Variants in DCLK2 observed in about 807,000 individuals in gnomAD.
The protein encoded by DCLK2 is doublecortin like kinase 2.
DCLK2 carries 31 observed loss-of-function variants against 78.4 expected under a neutral mutation model. The ratio of observed to expected loss-of-function variants is 0.40; its 90% CI spans 0.30 to 0.53. DCLK2 has a LOEUF of 0.53. Ranked by LOEUF, DCLK2 falls within the 20% of genes least tolerant of loss-of-function variation. DCLK2 has a pLI of 0.61. For synonymous variants in DCLK2, 407 were observed against 374.9 expected (o/e 1.09, Z -0.99); for missense variants, 872 against 973.7 (o/e 0.90, Z 1.39).
intron 5 of DCLK2, among the ~76,000 whole-genome samples, chr4:150,214,223 CAG>C (rs1740514120): frequency 6.6e-6 from 1 of 152,318 alleles, no homozygotes; most frequent in East Asian, 1.9e-4. Flanking sequence ...ACTTCATCCA[CAG>C]ATGTTCTCAA....
rs1378760105 is a variant in DCLK2, at chr4:150,190,053, G to GAAAAAAAAAAAAAAAAA, written c.757-3085_757-3084insAAAAAAAAAAAAAAAAA. 3.9e-4 allele frequency among the ~76,000 whole-genome samples: 5 copies of GAAAAAAAAAAAAAAAAA among 12,974 alleles called. 1 individual carries two copies. The highest frequency in any genetic ancestry group is 1.4e-3 in the Non-Finnish European group (5 of 3,496). The allele number at this position is 12,974 out of a possible 152,430, so 8.5% of individuals were successfully genotyped here. A position where few individuals can be genotyped will look rare whatever the true frequency, so the allele number is the denominator to read the frequency against. ...CTGTCTCAAAAAAAAAAAAAAAAAG[G>GAAAAAAAAAAAAAAAAA]CCAAGTGTGGTGGCTGTGGTCCCAG... is the stretch of plus-strand genomic sequence containing the variant. On this transcript the variant is annotated intron_variant, in intron 2 of 15. Coordinates refer to ENST00000296550, the MANE Select transcript of DCLK2 (RefSeq NM_001040260.4).
At chr4:150,197,480 G>A (rs557604542) in intron 3 of DCLK2, among the ~76,000 whole-genome samples, 5 of 152,230 alleles carry the variant, frequency 3.3e-5, no homozygotes, top group South Asian at 2.1e-4. Context: ...TTGGCTGGGC[G>A]TGGTGGCTCA....
At position 150,123,623 on chromosome 4, in the gene DCLK2, A is replaced by G. The variant is rs542177471; in HGVS notation, c.756+20811A>G. On this transcript the variant is annotated intron_variant, in intron 2 of 15. Coordinates refer to ENST00000296550, the MANE Select transcript of DCLK2 (RefSeq NM_001040260.4). ...AAAATGATGCCAGCGAACTTGCCTC[A>G]TACAGGGTTGCCACGAAACTTCCAT... is the stretch of plus-strand genomic sequence containing the variant. Among the ~76,000 whole-genome samples the G allele has an allele frequency of 3.3e-4, 50 of 152,340 alleles. 1 individual carries two copies. The South Asian group carries it at 8.5e-3, about 26-fold the overall frequency.
At chr4:150,217,057 G>T (rs1740776666) in intron 5 of DCLK2, among the ~76,000 whole-genome samples, 1 of 152,130 alleles carries the variant, frequency 6.6e-6, no homozygotes, top group African/African-American at 2.4e-5. Flanking sequence ...CATTTTAAGA[G>T]ATTTTAATAG....
chr4:150,204,030 C>A, intron 5 of DCLK2, 141 bp downstream of exon 5: 1 of 722,178 alleles, frequency 1.4e-6, no homozygotes, highest in East Asian at 2.8e-5. Context: ...GACTTGACTT[C>A]GAATCCTGTG....
intron 5 of DCLK2, among the ~76,000 whole-genome samples, chr4:150,206,660 AT>A (rs1215861397): frequency 1.3e-5 from 2 of 152,144 alleles, no homozygotes; most frequent in Admixed American, 1.3e-4. Context: ...TAGGAAGTCT[AT>A]TTTTTGTCCT....
intron 15 of DCLK2, among the ~76,000 whole-genome samples, chr4:150,252,452 C>G (rs559457017): frequency 1.2e-4 from 18 of 152,188 alleles, no homozygotes; most frequent in Admixed American, 2.0e-4. Context: ...GGAGTCATTG[C>G]TGGGGTCACT....
At chr4:150,138,070 A>G (rs1733823267) in intron 2 of DCLK2, among the ~76,000 whole-genome samples, 1 of 152,208 alleles carries the variant, frequency 6.6e-6, no homozygotes, top group Non-Finnish European at 1.5e-5. Context: ...CCTGTTCTTC[A>G]TTTGTAATAA....
At chr4:150,199,204 G>A (rs1486725145) in intron 4 of DCLK2, 2 of 839,846 alleles carry the variant, frequency 2.4e-6, no homozygotes, top group Non-Finnish European at 3.8e-6. Flanking sequence ...ACATCTGTGT[G>A]GTATGAAATG....
intron 2 of DCLK2, among the ~76,000 whole-genome samples, chr4:150,129,387 A>G (rs1446644195): frequency 6.6e-6 from 1 of 152,108 alleles, no homozygotes; most frequent in African/African-American, 2.4e-5. Context: ...TTGGCTAATC[A>G]TATGTGTTAT....
At chr4:150,148,248 C>T (rs1734622458) in intron 2 of DCLK2, among the ~76,000 whole-genome samples, 1 of 152,108 alleles carries the variant, frequency 6.6e-6, no homozygotes, top group South Asian at 2.1e-4. Flanking sequence ...CCTGTAGTCC[C>T]AGCTACTTGG....
intron 5 of DCLK2, 51 bp downstream of exon 5, chr4:150,203,940 T>G: frequency 1.3e-6 from 2 of 1,532,562 alleles, no homozygotes; most frequent in Non-Finnish European, 1.8e-6. Flanking sequence ...ATTTAGAGTT[T>G]CATAGTTTAG....
Position 150,239,731 on chromosome 4 carries a change from T to G in DCLK2, c.1567-11T>G, listed in dbSNP as rs772332418. The G allele has an allele frequency of 1.2e-6, 2 of 1,610,124 alleles. No homozygotes were observed. Among genetic ancestry groups the G allele is most frequent in the Non-Finnish European group, 1.7e-6 (2 of 1,179,006 alleles). ...AAAAATCTTCTGATTGTTGGCTGAT[T>G]TCTGTTTCAGGTGTGTGAATATCCT... On this transcript the variant is annotated splice_polypyrimidine_tract_variant and intron_variant, in intron 10 of 15. Coordinates refer to ENST00000296550, the MANE Select transcript of DCLK2 (RefSeq NM_001040260.4).
intron 2 of DCLK2, among the ~76,000 whole-genome samples, chr4:150,142,994 T>G (rs1400744255): frequency 1.3e-5 from 2 of 152,112 alleles, no homozygotes; most frequent in East Asian, 3.9e-4. Context: ...TGTGTGTACC[T>G]ATTAGTTAGC....
intron 2 of DCLK2, among the ~76,000 whole-genome samples, chr4:150,130,919 T>C (rs1010531915): frequency 8.5e-5 from 13 of 152,236 alleles, no homozygotes; most frequent in African/African-American, 3.1e-4. Flanking sequence ...TGGCTACAGG[T>C]CCTAGCACAG....
chr4:150,249,717 C>A, intron 15 of DCLK2, 33 bp downstream of exon 15: 4 of 1,568,090 alleles, frequency 2.6e-6, no homozygotes, highest in Non-Finnish European at 3.5e-6. Flanking sequence ...GGCCTGACTG[C>A]GGAGCCGGCC....
At chr4:150,236,430 G>A (rs1407270724) in intron 10 of DCLK2, among the ~76,000 whole-genome samples, 1 of 152,254 alleles carries the variant, frequency 6.6e-6, no homozygotes, top group South Asian at 2.1e-4. Flanking sequence ...CAGTCTCCTC[G>A]TTTGTAAAAT....
chr4:150,141,997 A>AT (rs1172104694), intron 2 of DCLK2, among the ~76,000 whole-genome samples: 2 of 152,206 alleles, frequency 1.3e-5, no homozygotes, highest in Non-Finnish European at 2.9e-5. Context: ...TTCAGGAAAA[A>AT]TTTCTGTAAC....
intron 2 of DCLK2, among the ~76,000 whole-genome samples, chr4:150,169,101 G>T (rs1222363113): frequency 2.1e-5 from 3 of 144,492 alleles, no homozygotes; most frequent in African/African-American, 7.8e-5. Context: ...ACACATCTTT[G>T]TTCTTCCTTT....
Sources: allele counts gnomAD v4.1 joint callset (sites outside exome capture counted in the v4.1 genomes callset), GRCh38; gene constraint gnomAD v4.1.1; transcripts MANE v1.5; gene names NCBI Gene and HGNC (gene_info 2026-07-23, HGNC 2026-07-21).